The following SLC25A31 variants were observed in gnomAD, a reference collection of about 807,000 sequenced individuals.
The protein encoded by SLC25A31 is solute carrier family 25 member 31, also known as ADP/ATP translocase 4.
SLC25A31 carries 40 observed loss-of-function variants against 36.2 expected under a neutral mutation model. The observed-to-expected ratio is 1.10, with a 90% CI of 0.86 to 1.44. SLC25A31 has a LOEUF of 1.44. Among genes scored for constraint, SLC25A31 ranks in the 40% most tolerant of loss-of-function variants. The probability of loss-of-function intolerance (pLI) is 0.00; values close to 1 mark genes in which losing one functional copy is unlikely to be tolerated. For missense variants in SLC25A31, 350 were observed against 397.1 expected (o/e 0.88, Z 1.01); for synonymous variants, 143 against 149.7 (o/e 0.96, Z 0.32).
At chr4:127,770,712 A>C (rs1000068326) in intron 5 of SLC25A31, among the ~76,000 whole-genome samples, 7 of 151,940 alleles carry the variant, frequency 4.6e-5, no homozygotes, top group African/African-American at 1.7e-4. Flanking sequence ...ACAGTACAGA[A>C]AAAAAAATGG....
chr4:127,755,061 A>G (rs2148760022), intron 2 of SLC25A31, among the ~76,000 whole-genome samples: 1 of 152,374 alleles, frequency 6.6e-6, no homozygotes, highest in South Asian at 2.1e-4. Flanking sequence ...AGTCTCTTCA[A>G]TAAGTGGTAT....
intron 2 of SLC25A31, among the ~76,000 whole-genome samples, chr4:127,760,231 A>G (rs1732102082): frequency 6.6e-6 from 1 of 152,356 alleles, no homozygotes. Flanking sequence ...ATTACTCCTT[A>G]TAATAAATGT....
intron 1 of SLC25A31, among the ~76,000 whole-genome samples, chr4:127,738,120 G>A (rs1030548894): frequency 2.0e-5 from 3 of 152,138 alleles, no homozygotes; most frequent in African/African-American, 7.2e-5. Flanking sequence ...CCAGGCTGGA[G>A]TGTGGTGGCA....
At chr4:127,762,907 G>C (rs1025171123) in intron 2 of SLC25A31, among the ~76,000 whole-genome samples, 2 of 150,574 alleles carry the variant, frequency 1.3e-5, no homozygotes, top group African/African-American at 4.9e-5. Context: ...CTGGGCGACA[G>C]AGCGAGACTC....
At chr4:127,732,422 T>C (rs963757657) in intron 1 of SLC25A31, among the ~76,000 whole-genome samples, 1 of 152,194 alleles carries the variant, frequency 6.6e-6, no homozygotes, top group African/African-American at 2.4e-5. Flanking sequence ...TAAAGCAAGC[T>C]TCTCATTTCC....
At chr4:127,768,147 T>C (rs1732281205) in intron 4 of SLC25A31, among the ~76,000 whole-genome samples, 1 of 151,858 alleles carries the variant, frequency 6.6e-6, no homozygotes, top group Non-Finnish European at 1.5e-5. Flanking sequence ...TATTTATTAG[T>C]ATAATAAATA....
At chr4:127,746,176 A>G (rs1731822952) in intron 2 of SLC25A31, among the ~76,000 whole-genome samples, 1 of 152,198 alleles carries the variant, frequency 6.6e-6, no homozygotes, top group Non-Finnish European at 1.5e-5. Flanking sequence ...CATGTTATAT[A>G]TGTACCACAT....
At chr4:127,751,512 G>T (rs1157494765) in intron 2 of SLC25A31, among the ~76,000 whole-genome samples, 1 of 152,152 alleles carries the variant, frequency 6.6e-6, no homozygotes, top group East Asian at 1.9e-4. Flanking sequence ...ATAGGCATGG[G>T]CAAGGACTTC....
At chr4:127,770,624 C>G (rs1254011544) in intron 5 of SLC25A31, among the ~76,000 whole-genome samples, 1 of 130,036 alleles carries the variant, frequency 7.7e-6, no homozygotes, top group Non-Finnish European at 1.6e-5. Context: ...GACTCTGTCT[C>G]AAAAAAAAAA....
intron 4 of SLC25A31, 115 bp downstream of exon 4, chr4:127,767,335 A>C: frequency 5.9e-6 from 6 of 1,008,512 alleles, no homozygotes; most frequent in Non-Finnish European, 8.1e-6. Flanking sequence ...TCAGTGATGA[A>C]AAAAGAGAGA....
At chr4:127,760,762 A>G (rs1184207923) in intron 2 of SLC25A31, among the ~76,000 whole-genome samples, 3 of 152,138 alleles carry the variant, frequency 2.0e-5, no homozygotes, top group African/African-American at 7.2e-5. Context: ...ATAGTAGGCC[A>G]GGCATGGTGG....
chr4:127,763,239 T>G (rs878889880), intron 2 of SLC25A31, among the ~76,000 whole-genome samples: 1 of 152,200 alleles, frequency 6.6e-6, no homozygotes, highest in Non-Finnish European at 1.5e-5. Flanking sequence ...AGATCAGATA[T>G]TTCATGAAAG....
rs1211090895 is a variant in SLC25A31, at chr4:127,773,424, C to T, written c.798C>T (p.Asp266=). Residue 266 remains aspartate, a synonymous_variant, in exon 6 of 6, where the codon GAC becomes GAT. Coordinates refer to ENST00000281154, the MANE Select transcript of SLC25A31 (RefSeq NM_031291.4). ...EAKRQYKGTL[D]CFVKIYQHEG... The stretch of plus-strand genomic sequence containing the variant: ...AACGGCAATATAAAGGAACCTTAGA[C>T]TGCTTTGTGAAGATATACCAACATG... The T allele has an allele frequency of 6.2e-7, 1 of 1,613,908 alleles. No individual in the cohort carries two copies. Among genetic ancestry groups the T allele is most frequent in the South Asian group, 1.1e-5 (1 of 91,028 alleles).
chr4:127,732,649 ATG>A (rs892685952), intron 1 of SLC25A31, among the ~76,000 whole-genome samples: 4 of 152,204 alleles, frequency 2.6e-5, no homozygotes, highest in Admixed American at 2.0e-4. Context: ...CGTATTCAAT[ATG>A]GCCCTTGTAA....
At chr4:127,757,599 C>T (rs1288111646) in intron 2 of SLC25A31, among the ~76,000 whole-genome samples, 2 of 152,150 alleles carry the variant, frequency 1.3e-5, no homozygotes. Flanking sequence ...GATAAACATA[C>T]AAGTTCAGAT....
chr4:127,731,060 G>C (rs964759442), intron 1 of SLC25A31, among the ~76,000 whole-genome samples: 1 of 152,210 alleles, frequency 6.6e-6, no homozygotes, highest in African/African-American at 2.4e-5. Context: ...ACCTGTGCCA[G>C]GTCCAGAAGG....
chr4:127,763,227 G>A (rs1369544343), intron 2 of SLC25A31, among the ~76,000 whole-genome samples: 1 of 152,176 alleles, frequency 6.6e-6, no homozygotes, highest in Non-Finnish European at 1.5e-5. Context: ...TAGATGGGTT[G>A]GAGATCAGAT....
intron 2 of SLC25A31, among the ~76,000 whole-genome samples, chr4:127,758,724 G>A (rs981703886): frequency 2.0e-5 from 3 of 152,158 alleles, no homozygotes; most frequent in African/African-American, 7.2e-5. Flanking sequence ...TTGTTGAATA[G>A]GGTGTCCTTT....
intron 2 of SLC25A31, among the ~76,000 whole-genome samples, chr4:127,750,220 A>G (rs1731903731): frequency 6.6e-6 from 1 of 152,232 alleles, no homozygotes; most frequent in Admixed American, 6.5e-5. Context: ...AAATAACATG[A>G]AAACATATGA....
Sources: gnomAD v4.1 joint callset for allele counts (sites outside exome capture counted in the v4.1 genomes callset) on GRCh38, gnomAD v4.1.1 for gene constraint, MANE v1.5 for transcripts, NCBI Gene and HGNC (gene_info 2026-07-23, HGNC 2026-07-21) for gene names.